HDAC8: variants seen among roughly 807,000 people sequenced by gnomAD.
HDAC8 encodes histone deacetylase-like 1.
HDAC8 carries 1 observed loss-of-function variant against 32.2 expected under a neutral mutation model. The observed-to-expected ratio is 0.03, with a 90% CI of 0.01 to 0.15. HDAC8 has a LOEUF of 0.15. HDAC8 is among the 10% of genes least tolerant of loss of function. The pLI, the probability that HDAC8 is intolerant of heterozygous loss-of-function variation, is 1.00. For synonymous variants in HDAC8, 108 were observed against 113.9 expected, an observed-to-expected ratio of 0.95 and a Z score of 0.33; for missense variants, 117 against 300.0, an observed-to-expected ratio of 0.39 and a Z score of 4.51.
intron 10 of HDAC8, among the ~76,000 whole-genome samples, chrX:72,330,313 C>A (rs972077514): frequency 1.8e-5 from 2 of 111,409 alleles, no homozygotes; most frequent in Admixed American, 1.9e-4. Flanking sequence ...GACATGTGAT[C>A]GAGGCCTTTG....
At chrX:72,371,100 G>T (rs2044860945) in intron 9 of HDAC8, among the ~76,000 whole-genome samples, 2 of 111,695 alleles carry the variant, frequency 1.8e-5, no homozygotes, top group African/African-American at 6.5e-5. Flanking sequence ...GTTAAGAAAA[G>T]GTCCTTATCT....
At chrX:72,408,217 C>A (rs2046097589) in intron 9 of HDAC8, among the ~76,000 whole-genome samples, 1 of 110,776 alleles carries the variant, frequency 9.0e-6, no homozygotes, top group South Asian at 3.9e-4. Flanking sequence ...TGTTTAGACG[C>A]TCATTAGTGC....
At position 72,507,756 on chromosome X, in the gene HDAC8, CAAACGTATTTCTG is replaced by C. The variant is rs2049442068; in HGVS notation, c.438-12501_438-12489del. Among the ~76,000 whole-genome samples, 3 of 112,523 alleles carry C rather than the reference CAAACGTATTTCTG, an allele frequency of 2.7e-5. No individual in the cohort carries two copies. In the East Asian group the frequency reaches 8.3e-4, roughly 31 times the overall value. On this transcript the variant is annotated intron_variant, in intron 4 of 10. Coordinates refer to ENST00000373573, the MANE Select transcript of HDAC8 (RefSeq NM_018486.3). ...TGTTCATGGAAGAGACCAGGTTCTG[CAAACGTATTTCTG>C]AAAGCACATTTCTGAAATGTGTCTG...
At chrX:72,365,617 G>A (rs1555954072) in intron 9 of HDAC8, among the ~76,000 whole-genome samples, 3 of 111,760 alleles carry the variant, frequency 2.7e-5, no homozygotes, top group African/African-American at 6.5e-5. Flanking sequence ...AGTGGAATAA[G>A]GACAATGAAG....
intron 9 of HDAC8, among the ~76,000 whole-genome samples, chrX:72,386,219 A>G (rs1555961381): frequency 8.9e-6 from 1 of 112,224 alleles, no homozygotes; most frequent in African/African-American, 3.2e-5. Flanking sequence ...TAAAAGGAGA[A>G]AAAATATTGA....
At chrX:72,500,981 C>T (rs982573697) in intron 4 of HDAC8, among the ~76,000 whole-genome samples, 27 of 111,733 alleles carry the variant, frequency 2.4e-4, no homozygotes, top group African/African-American at 8.5e-4. Flanking sequence ...CAACAATAGT[C>T]AACCCGAGAA....
intron 9 of HDAC8, among the ~76,000 whole-genome samples, chrX:72,392,549 G>A (rs1274560646): frequency 1.8e-5 from 2 of 111,993 alleles, no homozygotes; most frequent in African/African-American, 3.2e-5. Context: ...ATTCAGAGTC[G>A]ACAGTACCTA....
intron 7 of HDAC8, chrX:72,474,716 C>A: frequency 8.4e-7 from 1 of 1,190,926 alleles, no homozygotes; most frequent in Non-Finnish European, 1.1e-6. Context: ...GGATTTGGGG[C>A]AGGAGGTTCG....
intron 7 of HDAC8, among the ~76,000 whole-genome samples, chrX:72,468,897 C>T (rs2048092209): frequency 1.8e-5 from 2 of 111,688 alleles, no homozygotes; most frequent in South Asian, 7.5e-4. Flanking sequence ...GAACAAGAGA[C>T]CTATTTTTTC....
chrX:72,332,155 G>T (rs1382509907), intron 10 of HDAC8, among the ~76,000 whole-genome samples: 5 of 112,638 alleles, frequency 4.4e-5, no homozygotes, highest in African/African-American at 1.6e-4. Flanking sequence ...CAGTATGGAT[G>T]TAGCACAATC....
intron 9 of HDAC8, among the ~76,000 whole-genome samples, chrX:72,356,434 C>G (rs1020320752): frequency 8.0e-5 from 9 of 112,137 alleles, no homozygotes; most frequent in African/African-American, 2.6e-4. Flanking sequence ...AGGCATTTGG[C>G]TTTATCCCCG....
chrX:72,552,610 G>A (rs985238867), intron 4 of HDAC8, among the ~76,000 whole-genome samples: 33 of 104,315 alleles, frequency 3.2e-4, no homozygotes, highest in African/African-American at 2.5e-4. Flanking sequence ...ATGAAACTCC[G>A]TTTCAAAAAA....
chrX:72,363,657 C>T (rs1362076928), intron 9 of HDAC8, among the ~76,000 whole-genome samples: 3 of 111,032 alleles, frequency 2.7e-5, no homozygotes, highest in East Asian at 2.8e-4. Context: ...CTACAACCTC[C>T]GCCTCCCAGG....
At chrX:72,389,294 G>C (rs1312107329) in intron 9 of HDAC8, among the ~76,000 whole-genome samples, 1 of 111,936 alleles carries the variant, frequency 8.9e-6, no homozygotes, top group Non-Finnish European at 1.9e-5. Context: ...CTTTGTCACA[G>C]ATATCCTAAG....
chrX:72,383,042 T>C (rs180830943), intron 9 of HDAC8, among the ~76,000 whole-genome samples: 1 of 112,180 alleles, frequency 8.9e-6, no homozygotes, highest in Admixed American at 9.4e-5. Context: ...GCATACAAAC[T>C]GGTCCTAGGA....
At chrX:72,388,005 AGGAAGAG>A (rs2045495498) in intron 9 of HDAC8, among the ~76,000 whole-genome samples, 1 of 110,726 alleles carries the variant, frequency 9.0e-6, no homozygotes, top group African/African-American at 3.3e-5. Flanking sequence ...TGGAATTTGA[AGGAAGAG>A]TAGGACTTCA....
chrX:72,416,418 T>TG (rs2046340243), intron 9 of HDAC8, among the ~76,000 whole-genome samples: 2 of 73,084 alleles, frequency 2.7e-5, no homozygotes, highest in Admixed American at 3.1e-4. Context: ...GTTTTTTTTT[T>TG]TTTTTTTTTT....
At chrX:72,495,375 CT>C (rs2048990805) in intron 4 of HDAC8, 107 bp from the exon 5 acceptor site, 1 of 429,849 alleles carries the variant, frequency 2.3e-6, no homozygotes, top group South Asian at 4.9e-5. Context: ...GTTCCCCCTT[CT>C]TTTAAGAAAA....
intron 9 of HDAC8, among the ~76,000 whole-genome samples, chrX:72,448,946 T>C (rs1269437620): frequency 8.9e-6 from 1 of 112,022 alleles, no homozygotes; most frequent in Admixed American, 9.5e-5. Context: ...GGAGAGGATG[T>C]GGAGAAATAG....
Sources: gnomAD v4.1 joint callset for allele counts (sites outside exome capture counted in the v4.1 genomes callset) on GRCh38, gnomAD v4.1.1 for gene constraint, MANE v1.5 for transcripts, NCBI Gene and HGNC (gene_info 2026-07-23, HGNC 2026-07-21) for gene names.